Variants in SEMA7A observed in about 807,000 individuals in gnomAD.
SEMA7A encodes semaphorin 7A (JohnMiltonHagen blood group).
Under a neutral mutation model 67.5 loss-of-function variants are expected in SEMA7A, and 21 were observed. The ratio of observed to expected loss-of-function variants is 0.31; its 90% CI spans 0.22 to 0.45. The LOEUF (loss-of-function observed/expected upper bound fraction) is 0.45. Among genes scored for constraint, SEMA7A ranks in the 20% least tolerant of loss-of-function variants. The pLI, the probability that SEMA7A is intolerant of heterozygous loss-of-function variation, is 1.00. For synonymous variants in SEMA7A, 364 were observed against 368.5 expected, an observed-to-expected ratio of 0.99 and a Z score of 0.14; for missense variants, 774 against 908.6, an observed-to-expected ratio of 0.85 and a Z score of 1.90.
chr15:74,433,152 G>A (rs2061104960), intron 1 of SEMA7A, among the ~76,000 whole-genome samples: 2 of 152,010 alleles, frequency 1.3e-5, no homozygotes, highest in Admixed American at 1.3e-4. Context: ...CCGCCGCACC[G>A]CACCATGTCC....
chr15:74,421,905 T>C (rs1359692501), intron 1 of SEMA7A, among the ~76,000 whole-genome samples: 2 of 152,194 alleles, frequency 1.3e-5, no homozygotes, highest in Non-Finnish European at 2.9e-5. Context: ...GTATGTATCA[T>C]ATCCCTGAAC....
Position 74,423,099 on chromosome 15 carries a change from C to G in SEMA7A, c.179-4147G>C, listed in dbSNP as rs557352130. Among the ~76,000 whole-genome samples, 1 of 152,356 alleles carries G rather than the reference C, an allele frequency of 6.6e-6. No individual in the cohort carries two copies. The highest frequency in any genetic ancestry group is 2.4e-5 in the African/African-American group (1 of 41,592). On this transcript the variant is annotated intron_variant, in intron 1 of 13. Transcript: ENST00000261918. The surrounding 1 kb of genome is among the most constrained non-coding windows in gnomAD (Gnocchi z 4.1). ...AATGGCAGGAATGTGGGCACCCCCA[C>G]AGAGAATGCCTAAGTCAGGCAGTCA...
At position 74,417,932 on chromosome 15, in the gene SEMA7A, C is replaced by A; in HGVS notation, c.410G>T (p.Ser137Ile). The change falls in exon 4 of 14, where the codon AGT (serine) becomes ATT (isoleucine). Residue 137 changes from serine (S) to isoleucine (I), a missense_variant. Physicochemically the swap from Ser to Ile is moderately radical, Grantham distance 142. Transcript: ENST00000261918. Reference sequence around the variant, plus strand: ...GGTGCCACAGGCCAGCAGCCCCTCACTCCGCCTCTCCAGGAGAGTGATGTA... The same window carrying A: ...GGTGCCACAGGCCAGCAGCCCCTCAATCCGCCTCTCCAGGAGAGTGATGTA... ...ENYITLLERR[S>I]EGLLACGTNA... is the part of the protein sequence containing the mutation. The A allele has an allele frequency of 6.2e-7, 1 of 1,613,344 alleles. No homozygotes were observed. The highest frequency in any genetic ancestry group is 1.3e-5 in the African/African-American group (1 of 75,052).
chr15:74,433,438 G>A (rs895228246), intron 1 of SEMA7A, among the ~76,000 whole-genome samples: 5 of 151,828 alleles, frequency 3.3e-5, no homozygotes, highest in Non-Finnish European at 7.4e-5. Context: ...GCCGAGAGAG[G>A]GGCCCGCCCC....
At position 74,409,657 on chromosome 15, in the gene SEMA7A, C is replaced by T. The variant is rs1352584410; in HGVS notation, c.*967G>A. The T allele has an allele frequency of 6.6e-6, 1 of 151,074 alleles. No individual in the cohort carries two copies. The highest frequency in any genetic ancestry group is 1.5e-5 in the Non-Finnish European group (1 of 67,778). 9.4% of individuals were successfully genotyped at this position (151,074 alleles called of 1,614,324 possible). A position where few individuals can be genotyped will look rare whatever the true frequency, so the allele number is the denominator to read the frequency against. ...CGCCAAGGGCAGAGTCCTGGAACCT[C>T]CCCCTGAGGACCCGGCTCGTCCTTC... On this transcript the variant is annotated 3_prime_UTR_variant, in exon 14 of 14. Coordinates refer to ENST00000261918, the MANE Select transcript of SEMA7A (RefSeq NM_003612.5).
chr15:74,432,997 C>T lies in SEMA7A; in HGVS notation c.178+744G>A, dbSNP rs55695493. On this transcript the variant is annotated intron_variant, in intron 1 of 13. Transcript: ENST00000261918. ...GGCTGCACCCCCGCCCTAGATCCACCGCCTGGGGGTCCCAACGGCCGTGCC... is the reference window on the plus strand; with the variant it reads ...GGCTGCACCCCCGCCCTAGATCCACTGCCTGGGGGTCCCAACGGCCGTGCC... Among the ~76,000 whole-genome samples the T allele has an allele frequency of 6.8e-3, 1,038 of 152,294 alleles. 4 individuals are homozygous for T. The highest frequency in any genetic ancestry group is 0.024 in the African/African-American group (996 of 41,560).
chr15:74,410,977 G>T lies in SEMA7A; in HGVS notation c.1648C>A (p.Pro550Thr), dbSNP rs2060894779. Reference sequence around the variant, plus strand: ...GGGGCCAGGGAAACCTTCTGCAGTGGGGCCTTGTCTGGGGAGGCAGTGGGG... The same window carrying T: ...GGGGCCAGGGAAACCTTCTGCAGTGTGGCCTTGTCTGGGGAGGCAGTGGGG... ...ECPNPKPDKAPLQKVSLAPNS... is the reference protein window; with the variant it reads ...ECPNPKPDKATLQKVSLAPNS... Residue 550 changes from proline (P) to threonine (T), a missense_variant, in exon 14 of 14, where the codon CCA becomes ACA. Physicochemically the swap from Pro to Thr is conservative, Grantham distance 38 (BLOSUM62 -1). Coordinates refer to ENST00000261918, the MANE Select transcript of SEMA7A (RefSeq NM_003612.5). The surrounding 1 kb of genome is among the most constrained non-coding windows in gnomAD (Gnocchi z 7.5). 1.2e-6 allele frequency: 2 copies of T among 1,612,072 alleles called. No individual in the cohort carries two copies. The highest frequency in any genetic ancestry group is 8.5e-7 in the Non-Finnish European group (1 of 1,178,898).
rs79387014 is a variant in SEMA7A, at chr15:74,412,711, T to C, written c.1295-699A>G. Reference sequence around the variant, plus strand: ...CAACTAGGCAACTGACATTGGTGCATTACTATTAACAAAACTACAGACTTT... The same window carrying C: ...CAACTAGGCAACTGACATTGGTGCACTACTATTAACAAAACTACAGACTTT... On this transcript the variant is annotated intron_variant, in intron 10 of 13. Coordinates refer to ENST00000261918, the MANE Select transcript of SEMA7A (RefSeq NM_003612.5). Among the ~76,000 whole-genome samples the C allele has an allele frequency of 3.2e-4, 48 of 152,296 alleles. 1 individual carries two copies. In the East Asian group the frequency reaches 9.3e-3, roughly 29 times the overall value.
At chr15:74,428,920 AG>A (rs948833817) in intron 1 of SEMA7A, among the ~76,000 whole-genome samples, 1 of 152,188 alleles carries the variant, frequency 6.6e-6, no homozygotes, top group African/African-American at 2.4e-5. Context: ...CTGAGGAGGC[AG>A]GGCCCAACAA....
rs559810680 is a variant in SEMA7A, at chr15:74,419,744, G to A, written c.179-792C>T. On this transcript the variant is annotated intron_variant, in intron 1 of 13. Transcript: ENST00000261918. ...TCACCCATGAGGATGCTAGCTCTCC[G>A]GGGGGTGAAGATCGGCTCTTCCTCC... Among the ~76,000 whole-genome samples, 10 of 152,220 alleles carry A rather than the reference G, an allele frequency of 6.6e-5. No homozygotes were observed. The East Asian group carries it at 1.4e-3, about 21-fold the overall frequency.
rs1466743771 is a variant in SEMA7A, at chr15:74,433,753, C to T, written c.166G>A (p.Ala56Thr). 6.9e-7 allele frequency: 1 copy of T among 1,444,296 alleles called. No homozygotes were observed. The highest frequency in any genetic ancestry group is 9.1e-7 in the Non-Finnish European group (1 of 1,104,316). 89.5% of individuals were successfully genotyped at this position (1,444,296 alleles called of 1,614,324 possible). A position where few individuals can be genotyped will look rare whatever the true frequency, so the allele number is the denominator to read the frequency against. ...CGGCGCCGCCTACCTTTCCAGACGG[C>T]GAAGATGCGGGGTCCGCTCCTTAGG... is the stretch of plus-strand genomic sequence containing the variant. ...GHLRSGPRIF[A>T]VWKGHVGQDR... Residue 56 changes from alanine (A) to threonine (T), a missense_variant, in exon 1 of 14, where the codon GCC (alanine) becomes ACC (threonine). Coordinates refer to ENST00000261918, the MANE Select transcript of SEMA7A (RefSeq NM_003612.5).
At chr15:74,429,790 C>G (rs989256488) in intron 1 of SEMA7A, among the ~76,000 whole-genome samples, 1 of 152,132 alleles carries the variant, frequency 6.6e-6, no homozygotes, top group Non-Finnish European at 1.5e-5. Context: ...CATGGGGGCC[C>G]CTCACATGGC....
intron 1 of SEMA7A, among the ~76,000 whole-genome samples, chr15:74,429,564 G>C (rs2017998): frequency 0.53 from 81,126 of 152,126 alleles, 22,305 homozygotes; most frequent in Admixed American, 0.6. Context: ...TGGACCCAGA[G>C]CCAGCCTCCC....
intron 1 of SEMA7A, among the ~76,000 whole-genome samples, chr15:74,431,591 T>G (rs2061088876): frequency 6.6e-6 from 1 of 152,148 alleles, no homozygotes; most frequent in Non-Finnish European, 1.5e-5. Context: ...ACCACCATAC[T>G]CCCACCCACC....
At chr15:74,416,819 G>A in intron 6 of SEMA7A, 105 bp from the exon 7 acceptor site, 2 of 1,291,560 alleles carry the variant, frequency 1.5e-6, no homozygotes, top group Non-Finnish European at 2.2e-6. Context: ...ACAAACCATG[G>A]CAAATCAGAT....
rs1567069250 is a variant in SEMA7A, at chr15:74,411,283, C to T, written c.1639+12G>A. The T allele has an allele frequency of 2.5e-6, 4 of 1,613,474 alleles. No individual in the cohort carries two copies. Among genetic ancestry groups the T allele is most frequent in the Non-Finnish European group, 3.4e-6 (4 of 1,179,606 alleles). ...ATTGGGCCACAGCCGCCAGCAGGGC[C>T]AGATCAGGTACCTGGTTTGGGGTTG... On this transcript the variant is annotated intron_variant, in intron 13 of 13. Transcript: ENST00000261918. The surrounding 1 kb of genome is among the most constrained non-coding windows in gnomAD (Gnocchi z 4.4).
intron 1 of SEMA7A, among the ~76,000 whole-genome samples, chr15:74,432,652 G>A (rs1210706882): frequency 6.6e-6 from 1 of 151,914 alleles, no homozygotes; most frequent in Non-Finnish European, 1.5e-5. Context: ...TCAGACTCCC[G>A]CAATCCCTGC....
At chr15:74,425,189 CGACGATGAT>C (rs1239334974) in intron 1 of SEMA7A, among the ~76,000 whole-genome samples, 1 of 152,212 alleles carries the variant, frequency 6.6e-6, no homozygotes, top group Non-Finnish European at 1.5e-5. Context: ...AAGATGATGA[CGACGATGAT>C]GATGCCCCTA....
rs1013736067 is a variant in SEMA7A at position 74,409,852 on chromosome 15, G to C, written c.*772C>G. On this transcript the variant is annotated 3_prime_UTR_variant, in exon 14 of 14. Transcript: ENST00000261918. ...TGCCACTCTCCAAGAACCCATGCCC[G>C]TCTCCAGACTCTTATCTCATCCCCG... 7.1e-6 allele frequency: 1 copy of C among 140,134 alleles called. No individual in the cohort carries two copies. Among genetic ancestry groups the C allele is most frequent in the Middle Eastern group, 3.9e-3 (1 of 254 alleles). 8.7% of individuals were successfully genotyped at this position (140,134 alleles called of 1,614,324 possible). A position where few individuals can be genotyped will look rare whatever the true frequency, so the allele number is the denominator to read the frequency against.
Sources: gnomAD v4.1 joint callset for allele counts (sites outside exome capture counted in the v4.1 genomes callset) on GRCh38, gnomAD v4.1.1 for gene constraint, Gnocchi (gnomAD v3.1) non-coding constraint, MANE v1.5 for transcripts, NCBI Gene and HGNC (gene_info 2026-07-23, HGNC 2026-07-21) for gene names.